CCDC170: variants seen among roughly 807,000 people sequenced by gnomAD.
The protein encoded by CCDC170 is coiled-coil domain containing 170.
A neutral mutation model predicts 72.6 loss-of-function variants in CCDC170; 69 were observed. The observed-to-expected ratio is 0.95, with a 90% confidence interval of 0.78 to 1.16. CCDC170 has a LOEUF of 1.16. CCDC170 is among the 50% of genes most tolerant of loss of function. The probability of loss-of-function intolerance (pLI) is 0.00; values close to 1 mark genes in which losing one functional copy is unlikely to be tolerated. For synonymous variants in CCDC170, 300 were observed against 303.9 expected, an observed-to-expected ratio of 0.99 and a Z score of 0.13; for missense variants, 852 against 832.5, an observed-to-expected ratio of 1.02 and a Z score of -0.29.
intron 5 of CCDC170, among the ~76,000 whole-genome samples, chr6:151,558,831 G>A (rs1470569044): frequency 1.3e-5 from 2 of 151,978 alleles, no homozygotes; most frequent in African/African-American, 4.8e-5. Flanking sequence ...TTAGTATGAT[G>A]CCTTCAGCTT....
chr6:151,593,390 T>C (rs1323937603), intron 8 of CCDC170, 110 bp downstream of exon 8: 1 of 1,146,880 alleles, frequency 8.7e-7, no homozygotes, highest in East Asian at 2.6e-5. Context: ...AGGAAGGCTC[T>C]TATAAAAATA....
intron 1 of CCDC170, among the ~76,000 whole-genome samples, chr6:151,535,948 T>C (rs1163491649): frequency 6.6e-6 from 1 of 152,022 alleles, no homozygotes; most frequent in Admixed American, 6.6e-5. Flanking sequence ...AGAGATAGGG[T>C]CTTGCTGTCT....
intron 5 of CCDC170, among the ~76,000 whole-genome samples, chr6:151,572,292 A>G (rs1240201977): frequency 6.6e-6 from 1 of 152,196 alleles, no homozygotes; most frequent in Non-Finnish European, 1.5e-5. Context: ...ACAAGGGGAT[A>G]TGCAATGAAT....
intron 9 of CCDC170, among the ~76,000 whole-genome samples, chr6:151,602,107 C>T (rs1389733431): frequency 6.6e-6 from 1 of 152,116 alleles, no homozygotes; most frequent in African/African-American, 2.4e-5. Context: ...GACCTTGATG[C>T]CTAGGTTATA....
Position 151,527,215 on chromosome 6 carries a change from A to G in CCDC170, c.58-9103A>G, listed in dbSNP as rs1055568576. Reference sequence around the variant, plus strand: ...CTTAGCCATATTAGAAGGATTTTTAACTGAATAAGAGTAACACCCAAGAGA... The same window carrying G: ...CTTAGCCATATTAGAAGGATTTTTAGCTGAATAAGAGTAACACCCAAGAGA... On this transcript the variant is annotated intron_variant, in intron 1 of 10. Coordinates refer to ENST00000239374, the MANE Select transcript of CCDC170 (RefSeq NM_025059.4). 4.6e-5 allele frequency among the ~76,000 whole-genome samples: 7 copies of G among 152,034 alleles called. No homozygotes were observed. In the East Asian group the frequency reaches 7.7e-4, roughly 17 times the overall value.
intron 1 of CCDC170, among the ~76,000 whole-genome samples, chr6:151,520,742 C>T (rs1355141019): frequency 6.6e-6 from 1 of 152,168 alleles, no homozygotes; most frequent in Non-Finnish European, 1.5e-5. Flanking sequence ...TAAACTGGCC[C>T]ATCTGATCTT....
chr6:151,596,245 G>A lies in CCDC170; in HGVS notation c.1468-90G>A, dbSNP rs1001536856. 9.4e-6 allele frequency: 13 copies of A among 1,381,130 alleles called. No individual in the cohort carries two copies. The Admixed American group carries it at 2.3e-4, about 24-fold the overall frequency. The allele number at this position is 1,381,130 out of a possible 1,614,324, so 85.6% of individuals were successfully genotyped here. On this transcript the variant is annotated intron_variant, in intron 8 of 10. Coordinates refer to ENST00000239374, the MANE Select transcript of CCDC170 (RefSeq NM_025059.4). ...GTTTACAAATTACTCTTATTGAGGT[G>A]TAGATAGAGATCAACATTATCTGGG...
rs549213993 is a variant in CCDC170 at position 151,543,638 on chromosome 6, C to T, written c.444-934C>T. Among the ~76,000 whole-genome samples, 21 of 152,246 alleles carry T rather than the reference C, an allele frequency of 1.4e-4. No individual in the cohort carries two copies. In the South Asian group the frequency reaches 4.1e-3, roughly 30 times the overall value. On this transcript the variant is annotated intron_variant, in intron 3 of 10. Coordinates refer to ENST00000239374, the MANE Select transcript of CCDC170 (RefSeq NM_025059.4). ...TATCCTCCTTCATCCGCTACCCTTT[C>T]CAGCCTCTAATAATCAAAATTCTAC...
rs533540932 is a variant in CCDC170 at position 151,607,346 on chromosome 6, A to G, written c.1711-8097A>G. ...TGGTAATTGTTTTCTGGTTTTTAAT[A>G]TATCATTTGTTCCTTTTTTCCTCTC... On this transcript the variant is annotated intron_variant, in intron 9 of 10. Coordinates refer to ENST00000239374, the MANE Select transcript of CCDC170 (RefSeq NM_025059.4). Among the ~76,000 whole-genome samples, 69 of 152,232 alleles carry G rather than the reference A, an allele frequency of 4.5e-4. 1 individual carries two copies. Among genetic ancestry groups the G allele is most frequent in the African/African-American group, 1.5e-3 (64 of 41,554 alleles).
rs1777054190 is a variant in CCDC170, at chr6:151,621,082, T to C, written c.*2935T>C. ...CTTCTAATGAAAAGGGTATATGAAATGGGAACAATAAATTCTGTACATGTA... is the reference window on the plus strand; with the variant it reads ...CTTCTAATGAAAAGGGTATATGAAACGGGAACAATAAATTCTGTACATGTA... On this transcript the variant is annotated 3_prime_UTR_variant, in exon 11 of 11. Transcript: ENST00000239374. 6.6e-6 allele frequency: 1 copy of C among 152,204 alleles called. No individual in the cohort carries two copies. The highest frequency in any genetic ancestry group is 2.4e-5 in the African/African-American group (1 of 41,462). 9.4% of individuals were successfully genotyped at this position (152,204 alleles called of 1,614,324 possible). A position where few individuals can be genotyped will look rare whatever the true frequency, so the allele number is the denominator to read the frequency against.
At chr6:151,593,527 TTTG>T (rs1043647393) in intron 8 of CCDC170, among the ~76,000 whole-genome samples, 20 of 152,042 alleles carry the variant, frequency 1.3e-4, no homozygotes, top group Admixed American at 1.2e-3. Context: ...GTAAAAGTTT[TTTG>T]TTGTTGTTGT....
chr6:151,571,103 A>G (rs1349273165), intron 5 of CCDC170, among the ~76,000 whole-genome samples: 1 of 152,174 alleles, frequency 6.6e-6, no homozygotes, highest in Admixed American at 6.5e-5. Context: ...TGTTTCCTAT[A>G]AAAAATAGGA....
Position 151,618,001 on chromosome 6 carries a change from C to G in CCDC170, c.2002C>G (p.Leu668Val). The G allele has an allele frequency of 6.2e-7, 1 of 1,614,122 alleles. No homozygotes were observed. Among genetic ancestry groups the G allele is most frequent in the South Asian group, 1.1e-5 (1 of 91,068 alleles). Residue 668 changes from leucine to valine, a missense_variant, in exon 11 of 11, where the codon CTT (leucine) becomes GTT (valine). Coordinates refer to ENST00000239374, the MANE Select transcript of CCDC170 (RefSeq NM_025059.4). ...SQMLGLNVTSLALPDYEIIKC... is the reference protein window; with the variant it reads ...SQMLGLNVTSVALPDYEIIKC... ...GATGCTAGGCTTGAACGTGACCAGC[C>G]TTGCTCTTCCTGATTATGAAATCAT... is the stretch of plus-strand genomic sequence containing the variant.
chr6:151,530,635 TTTCACCATG>T (rs2115040801), intron 1 of CCDC170, among the ~76,000 whole-genome samples: 1 of 152,108 alleles, frequency 6.6e-6, no homozygotes, highest in African/African-American at 2.4e-5. Flanking sequence ...AGAGACTGGG[TTTCACCATG>T]TTGGTCAGGC....
rs1381960109 is a variant in CCDC170, at chr6:151,620,786, A to G, written c.*2639A>G. Reference sequence around the variant, plus strand: ...ACGCTATTCAAAGATATTTTAAATAATATTTTAAAAACATGAAATTTTTTT... The same window carrying G: ...ACGCTATTCAAAGATATTTTAAATAGTATTTTAAAAACATGAAATTTTTTT... On this transcript the variant is annotated 3_prime_UTR_variant, in exon 11 of 11. Transcript: ENST00000239374. 6.8e-6 allele frequency: 1 copy of G among 146,294 alleles called. No individual in the cohort carries two copies. The highest frequency in any genetic ancestry group is 2.7e-5 in the African/African-American group (1 of 37,214). The allele number at this position is 146,294 out of a possible 1,614,324, so 9.1% of individuals were successfully genotyped here. A position where few individuals can be genotyped will look rare whatever the true frequency, so the allele number is the denominator to read the frequency against.
At chr6:151,601,270 C>T (rs1168894483) in intron 9 of CCDC170, among the ~76,000 whole-genome samples, 1 of 152,138 alleles carries the variant, frequency 6.6e-6, no homozygotes, top group South Asian at 2.1e-4. Context: ...GGATACCACC[C>T]CCATGATTCA....
chr6:151,557,592 A>T (rs939002694), intron 5 of CCDC170, among the ~76,000 whole-genome samples: 29 of 152,114 alleles, frequency 1.9e-4, no homozygotes, highest in Non-Finnish European at 1.5e-5. Flanking sequence ...TTACATTTTT[A>T]GTTTTTTTAA....
chr6:151,518,626 A>G lies in CCDC170; in HGVS notation c.58-17692A>G, dbSNP rs372827604. Among the ~76,000 whole-genome samples the G allele has an allele frequency of 9.2e-5, 14 of 152,346 alleles. No individual in the cohort carries two copies. In the East Asian group the frequency reaches 2.3e-3, roughly 25 times the overall value. On this transcript the variant is annotated intron_variant, in intron 1 of 10. Transcript: ENST00000239374. ...TAGTTATTTCTTGATTATGTGATAA[A>G]CAAGGGGTATATGTATCAGGGGAAC... is the stretch of plus-strand genomic sequence containing the variant.
chr6:151,559,327 T>G (rs948111498), intron 5 of CCDC170, among the ~76,000 whole-genome samples: 8 of 152,164 alleles, frequency 5.3e-5, no homozygotes, highest in African/African-American at 1.7e-4. Context: ...CATTAATTAT[T>G]CTGATCCATG....
Sources: allele counts gnomAD v4.1 joint callset (sites outside exome capture counted in the v4.1 genomes callset), GRCh38; gene constraint gnomAD v4.1.1; transcripts MANE v1.5; gene names NCBI Gene and HGNC (gene_info 2026-07-23, HGNC 2026-07-21).